Variants in SLC6A6 observed in about 807,000 individuals in gnomAD.
SLC6A6 encodes the protein solute carrier family 6 member 6, also known as sodium- and chloride-dependent taurine transporter.
A neutral mutation model predicts 68.8 loss-of-function variants in SLC6A6; 16 were observed. The observed-to-expected ratio is 0.23, with a 90% confidence interval of 0.16 to 0.35. SLC6A6 has a LOEUF of 0.35. SLC6A6 is among the 10% of genes least tolerant of loss of function. The pLI is 1.00. For missense variants in SLC6A6, 474 were observed against 802.8 expected, an observed-to-expected ratio of 0.59 and a Z score of 4.95; for synonymous variants, 312 against 315.4, an observed-to-expected ratio of 0.99 and a Z score of 0.12.
chr3:14,465,473 G>A (rs1700596529), intron 6 of SLC6A6, among the ~76,000 whole-genome samples: 1 of 152,196 alleles, frequency 6.6e-6, no homozygotes, highest in Admixed American at 6.5e-5. Flanking sequence ...CAAAATCAGT[G>A]TCAACAACAG....
chr3:14,435,636 C>T (rs1258550129), intron 2 of SLC6A6, among the ~76,000 whole-genome samples: 2 of 152,206 alleles, frequency 1.3e-5, no homozygotes, highest in Non-Finnish European at 1.5e-5. Context: ...CATCTCCGCA[C>T]GAGCCCATTC....
At chr3:14,480,198 T>C (rs911726677) in intron 13 of SLC6A6, among the ~76,000 whole-genome samples, 1 of 152,216 alleles carries the variant, frequency 6.6e-6, no homozygotes, top group African/African-American at 2.4e-5. Flanking sequence ...TGAAGCCTTT[T>C]CCTCTGAAGT....
At chr3:14,463,431 C>A (rs1202158703) in intron 6 of SLC6A6, among the ~76,000 whole-genome samples, 1 of 152,258 alleles carries the variant, frequency 6.6e-6, no homozygotes, top group African/African-American at 2.4e-5. Flanking sequence ...ACCTCCACAC[C>A]CCTGTCCCTG....
chr3:14,446,217 A>G (rs919601755), intron 4 of SLC6A6, among the ~76,000 whole-genome samples: 5 of 152,254 alleles, frequency 3.3e-5, no homozygotes, highest in African/African-American at 1.2e-4. Context: ...CATATATACC[A>G]TGGAAGACTA....
chr3:14,461,732 C>T (rs918676828), intron 6 of SLC6A6, among the ~76,000 whole-genome samples: 5 of 152,252 alleles, frequency 3.3e-5, no homozygotes, highest in Admixed American at 3.3e-4. Flanking sequence ...CTTTCTCAGC[C>T]TCACCTTCCC....
intron 2 of SLC6A6, 64 bp from the exon 3 acceptor site, chr3:14,443,560 T>G: frequency 8.7e-7 from 1 of 1,145,132 alleles, no homozygotes; most frequent in Non-Finnish European, 1.3e-6. Flanking sequence ...AAGCAGAGAT[T>G]GTGTCTGAGA....
chr3:14,471,130 C>CTTTTTTTTTTTTTTTTTTTTTTTTTTTT (rs754511089), intron 9 of SLC6A6, among the ~76,000 whole-genome samples: 5 of 83,124 alleles, frequency 6.0e-5, no homozygotes, highest in Non-Finnish European at 6.8e-5. Flanking sequence ...TGCTTCTTGA[C>CTTTTTTTTTTTTTTTTTTTTTTTTTTTT]TTTTTTTTTT....
intron 2 of SLC6A6, among the ~76,000 whole-genome samples, chr3:14,437,115 G>A (rs1203674743): frequency 6.6e-6 from 1 of 152,220 alleles, no homozygotes; most frequent in Admixed American, 6.5e-5. Context: ...GCACAGGAAG[G>A]ATGGGAGCAG....
chr3:14,413,742 G>T (rs1198252607), intron 1 of SLC6A6, among the ~76,000 whole-genome samples: 1 of 152,108 alleles, frequency 6.6e-6, no homozygotes, highest in Admixed American at 6.5e-5. Context: ...CCTAATCCTT[G>T]CCCGTGATAA....
At chr3:14,455,664 T>C (rs2124963652) in intron 5 of SLC6A6, among the ~76,000 whole-genome samples, 1 of 152,308 alleles carries the variant, frequency 6.6e-6, no homozygotes, top group East Asian at 1.9e-4. Flanking sequence ...GGAAAGGTGC[T>C]CTTCCTCCTC....
At chr3:14,454,509 G>C (rs897938404) in intron 5 of SLC6A6, among the ~76,000 whole-genome samples, 4 of 152,102 alleles carry the variant, frequency 2.6e-5, no homozygotes, top group African/African-American at 7.2e-5. Context: ...GACTGTGGAG[G>C]GGCCTGCCTG....
At chr3:14,436,382 T>G (rs970394589) in intron 2 of SLC6A6, among the ~76,000 whole-genome samples, 2 of 151,870 alleles carry the variant, frequency 1.3e-5, no homozygotes, top group Non-Finnish European at 2.9e-5. Flanking sequence ...TTTTTAACTT[T>G]TTGTACAGAC....
chr3:14,438,778 A>T (rs1699917517), intron 2 of SLC6A6, among the ~76,000 whole-genome samples: 1 of 152,230 alleles, frequency 6.6e-6, no homozygotes, highest in Non-Finnish European at 1.5e-5. Context: ...AGCATGGCAG[A>T]AGCTCCTGAG....
chr3:14,452,199 G>A (rs1206052315), intron 5 of SLC6A6, among the ~76,000 whole-genome samples: 2 of 152,198 alleles, frequency 1.3e-5, no homozygotes, highest in South Asian at 2.1e-4. Flanking sequence ...CCCTTTCCTT[G>A]TGGGGGGAGA....
Position 14,479,076 on chromosome 3 carries a change from C to CT in SLC6A6, c.1451-8dup. On this transcript the variant is annotated splice_polypyrimidine_tract_variant and intron_variant, in intron 12 of 14. Coordinates refer to ENST00000622186, the MANE Select transcript of SLC6A6 (RefSeq NM_003043.6). ...TGTGTCAGAAAATGTCCCCCTCTGT[C>CT]TCTTGCAGGAGGTGATAACCTTTAT... 6.3e-7 allele frequency: 1 copy of CT among 1,592,486 alleles called. No individual in the cohort carries two copies. The highest frequency in any genetic ancestry group is 1.7e-5 in the Admixed American group (1 of 59,998).
At chr3:14,479,256 C>T in intron 13 of SLC6A6, 71 bp downstream of exon 13, 2 of 945,980 alleles carry the variant, frequency 2.1e-6, no homozygotes, top group South Asian at 2.6e-5. Context: ...ACCCGCTAAA[C>T]CATCTTTCAT....
rs1574972934 is a variant in SLC6A6, at chr3:14,484,911, T to C, written c.1767T>C (p.Ala589=). The C allele has an allele frequency of 6.2e-7, 1 of 1,612,340 alleles. No individual in the cohort carries two copies. The highest frequency in any genetic ancestry group is 8.5e-7 in the Non-Finnish European group (1 of 1,179,988). ...LLTPREPNRW[A]VEREGATPYN... is the part of the protein sequence containing the mutation. ...CCCCAAGGGAACCCAACCGCTGGGC[T>C]GTGGAGCGCGAGGGAGCCACACCTT... The change falls in exon 15 of 15, where the codon GCT becomes GCC. Residue 589 remains alanine (A), a synonymous_variant. Transcript: ENST00000622186.
intron 6 of SLC6A6, among the ~76,000 whole-genome samples, chr3:14,459,135 C>T (rs1362093861): frequency 6.6e-6 from 1 of 152,202 alleles, no homozygotes; most frequent in African/African-American, 2.4e-5. Context: ...GTTTGCTCAT[C>T]TGCCTTTAGA....
At chr3:14,444,053 A>C in intron 3 of SLC6A6, 190 bp downstream of exon 3, 1 of 583,318 alleles carries the variant, frequency 1.7e-6, no homozygotes, top group East Asian at 2.9e-5. Context: ...CCCGACTGAG[A>C]ATCAGAGTAC....
Sources: gnomAD v4.1 joint callset for allele counts (sites outside exome capture counted in the v4.1 genomes callset) on GRCh38, gnomAD v4.1.1 for gene constraint, MANE v1.5 for transcripts, NCBI Gene and HGNC (gene_info 2026-07-23, HGNC 2026-07-21) for gene names.